The following ORC3 variants were observed in gnomAD, a reference collection of about 807,000 sequenced individuals.
The protein encoded by ORC3 is origin recognition complex subunit 3, also known as homolog of latheo, Drosophila.
A neutral mutation model predicts 100.7 loss-of-function variants in ORC3; 78 were observed. That is an observed-to-expected ratio of 0.77 (90% CI 0.65 to 0.94). The LOEUF is 0.94. Ranked by LOEUF, ORC3 falls within the 40% of genes least tolerant of loss-of-function variation. ORC3 has a pLI of 0.00. For missense variants in ORC3, 789 were observed against 823.9 expected (o/e 0.96, Z 0.52); for synonymous variants, 295 against 289.3 (o/e 1.02, Z -0.20).
intron 7 of ORC3, among the ~76,000 whole-genome samples, chr6:87,610,845 G>A (rs1051702754): frequency 2.3e-5 from 3 of 133,152 alleles, no homozygotes; most frequent in Admixed American, 7.3e-5. Flanking sequence ...GAGCCACCGC[G>A]CCCGGCCTAC....
intron 11 of ORC3, among the ~76,000 whole-genome samples, chr6:87,634,464 A>C (rs572828927): frequency 7.0e-4 from 106 of 152,310 alleles, no homozygotes; most frequent in Non-Finnish European, 1.1e-3. Context: ...CACTCTTCTG[A>C]TGCTAGCAAG....
intron 1 of ORC3, 125 bp downstream of exon 1, chr6:87,590,317 G>A: frequency 9.8e-7 from 1 of 1,021,534 alleles, no homozygotes; most frequent in Non-Finnish European, 1.5e-6. Flanking sequence ...GCGGCGTACT[G>A]AGCTGAGGCG....
At chr6:87,620,750 T>C (rs1779476338) in intron 9 of ORC3, among the ~76,000 whole-genome samples, 1 of 152,194 alleles carries the variant, frequency 6.6e-6, no homozygotes, top group Admixed American at 6.5e-5. Flanking sequence ...ATGTTGATTC[T>C]AAGCAAACTG....
chr6:87,605,369 G>A (rs995211323), intron 4 of ORC3, among the ~76,000 whole-genome samples: 8 of 152,142 alleles, frequency 5.3e-5, no homozygotes, highest in African/African-American at 1.2e-4. Context: ...TTCAAGGGTC[G>A]GCTGGGCACA....
intron 8 of ORC3, among the ~76,000 whole-genome samples, chr6:87,615,950 GA>G (rs540638860): frequency 6.3e-4 from 96 of 151,464 alleles, no homozygotes; most frequent in African/African-American, 2.3e-3. Context: ...CAGTAGTAAT[GA>G]AAAAAATCTC....
chr6:87,621,593 A>C (rs1354597638), intron 10 of ORC3, 106 bp downstream of exon 10: 8 of 764,150 alleles, frequency 1.0e-5, no homozygotes, highest in Non-Finnish European at 1.5e-5. Flanking sequence ...ATAGTAACCT[A>C]TTCTGTTTTT....
chr6:87,617,765 A>C (rs1047695780), intron 9 of ORC3, among the ~76,000 whole-genome samples: 2 of 152,168 alleles, frequency 1.3e-5, no homozygotes, highest in African/African-American at 4.8e-5. Flanking sequence ...CTGATTTTAA[A>C]AACCTATATA....
At chr6:87,651,739 G>T (rs1476864418) in intron 13 of ORC3, among the ~76,000 whole-genome samples, 1 of 152,016 alleles carries the variant, frequency 6.6e-6, no homozygotes, top group Non-Finnish European at 1.5e-5. Flanking sequence ...CAATTTCTCA[G>T]TAATCATAGT....
chr6:87,633,646 A>G (rs1246343396), intron 11 of ORC3, among the ~76,000 whole-genome samples: 3 of 152,206 alleles, frequency 2.0e-5, no homozygotes, highest in South Asian at 2.1e-4. Flanking sequence ...GTTATTTTCT[A>G]TATGGCTGAC....
At chr6:87,596,287 C>A (rs1397700592) in intron 2 of ORC3, among the ~76,000 whole-genome samples, 1 of 151,972 alleles carries the variant, frequency 6.6e-6, no homozygotes, top group Non-Finnish European at 1.5e-5. Flanking sequence ...GCATGCGCCA[C>A]AATGCCTGGC....
intron 2 of ORC3, among the ~76,000 whole-genome samples, chr6:87,599,659 C>A (rs1777742891): frequency 6.6e-6 from 1 of 150,460 alleles, no homozygotes; most frequent in Non-Finnish European, 1.5e-5. Context: ...TGCCACCACG[C>A]TGGCCTGCTT....
chr6:87,598,266 A>G (rs1777613089), intron 2 of ORC3, among the ~76,000 whole-genome samples: 1 of 150,986 alleles, frequency 6.6e-6, no homozygotes, highest in Non-Finnish European at 1.5e-5. Flanking sequence ...CAAGCAGTCC[A>G]CCTGCCTTGG....
chr6:87,674,021 G>A, the ORC3 span, among the ~76,000 whole-genome samples: 1 of 151,708 alleles, frequency 6.6e-6, no homozygotes, highest in South Asian at 2.1e-4. Flanking sequence ...AAAAATAAAA[G>A]AGGTCTGGCT....
intron 13 of ORC3, among the ~76,000 whole-genome samples, chr6:87,639,434 T>C (rs1768059298): frequency 6.6e-6 from 1 of 152,176 alleles, no homozygotes; most frequent in African/African-American, 2.4e-5. Context: ...TCTTGCGTGT[T>C]AGAGAGAAGG....
intron 13 of ORC3, among the ~76,000 whole-genome samples, chr6:87,652,723 TAG>T (rs576774371): frequency 1.9e-4 from 29 of 152,380 alleles, no homozygotes; most frequent in African/African-American, 7.0e-4. Flanking sequence ...AGCACTGTGC[TAG>T]AGTCTTCCAC....
At chr6:87,643,507 A>G (rs559327320) in intron 13 of ORC3, among the ~76,000 whole-genome samples, 1 of 152,296 alleles carries the variant, frequency 6.6e-6, no homozygotes, top group Non-Finnish European at 1.5e-5. Context: ...GAATGGCTGT[A>G]GGCAGTTGAT....
intron 10 of ORC3, 63 bp from the exon 11 acceptor site, chr6:87,621,887 G>A: frequency 9.0e-7 from 1 of 1,116,486 alleles, no homozygotes; most frequent in Non-Finnish European, 1.3e-6. Flanking sequence ...TTCCCAATAT[G>A]CTATTTAAAT....
intron 9 of ORC3, 131 bp downstream of exon 9, chr6:87,616,558 T>C: frequency 2.0e-6 from 1 of 493,976 alleles, no homozygotes; most frequent in East Asian, 3.2e-5. Flanking sequence ...AGTTATTTTA[T>C]TCTAGGTTCT....
At chr6:87,596,765 C>T (rs993898832) in intron 2 of ORC3, among the ~76,000 whole-genome samples, 2 of 152,106 alleles carry the variant, frequency 1.3e-5, no homozygotes, top group African/African-American at 4.8e-5. Flanking sequence ...CAATCAAATC[C>T]AGTATTACTA....
Sources: gnomAD v4.1 joint callset for allele counts (sites outside exome capture counted in the v4.1 genomes callset) on GRCh38, gnomAD v4.1.1 for gene constraint, MANE v1.5 for transcripts, NCBI Gene and HGNC (gene_info 2026-07-23, HGNC 2026-07-21) for gene names.